The following DENND2B variants were observed in gnomAD, a reference collection of about 807,000 sequenced individuals.
DENND2B encodes DENN domain-containing protein 2B.
DENND2B carries 32 observed loss-of-function variants against 116.0 expected under a neutral mutation model. The ratio of observed to expected loss-of-function variants is 0.28; its 90% confidence interval spans 0.21 to 0.37. The LOEUF (loss-of-function observed/expected upper bound fraction) is 0.37. Ranked by LOEUF, DENND2B falls within the 10% of genes least tolerant of loss-of-function variation. The pLI is 1.00. For synonymous variants in DENND2B, 588 were observed against 583.9 expected, an observed-to-expected ratio of 1.01 and a Z score of -0.10; for missense variants, 1,276 against 1,477.7, an observed-to-expected ratio of 0.86 and a Z score of 2.24.
At position 8,698,199 on chromosome 11, in the gene DENND2B, C is replaced by G. The variant is rs549950772; in HGVS notation, c.2941-563G>C. Among the ~76,000 whole-genome samples the G allele has an allele frequency of 1.8e-4, 26 of 144,980 alleles. 1 individual carries two copies. In the South Asian group the frequency reaches 5.6e-3, roughly 31 times the overall value. On this transcript the variant is annotated intron_variant, in intron 16 of 19. Coordinates refer to ENST00000313726, the MANE Select transcript of DENND2B (RefSeq NM_213618.2). ...GAGCCAGTGTGGCATTCACTGGCCT[C>G]TGTGACCAGGACCAGCCAGGGGTTC...
At chr11:8,885,587 C>T (rs1188567272) in intron 1 of DENND2B, among the ~76,000 whole-genome samples, 1 of 152,140 alleles carries the variant, frequency 6.6e-6, no homozygotes, top group Non-Finnish European at 1.5e-5. Context: ...ATAATACATT[C>T]CTGCATTTCT....
chr11:8,710,757 A>G (rs73410011), intron 11 of DENND2B, 88 bp downstream of exon 11: 44 of 182,190 alleles, frequency 2.4e-4, no homozygotes, highest in African/African-American at 7.3e-4. Flanking sequence ...AGAAGGGCAC[A>G]CACACACACA....
chr11:8,751,205 G>C (rs945966871), intron 1 of DENND2B, among the ~76,000 whole-genome samples: 1 of 152,158 alleles, frequency 6.6e-6, no homozygotes, highest in African/African-American at 2.4e-5. Flanking sequence ...TCCACAGGCT[G>C]TATCTAGCTA....
At chr11:8,696,694 TTC>T in intron 17 of DENND2B, 28 bp from the exon 18 acceptor site, 1 of 1,612,038 alleles carries the variant, frequency 6.2e-7, no homozygotes, top group Non-Finnish European at 8.5e-7. Context: ...ATCTTTGAGG[TTC>T]AGGTCAAGAG....
intron 2 of DENND2B, among the ~76,000 whole-genome samples, chr11:8,736,947 C>T (rs1322868026): frequency 6.6e-6 from 1 of 152,204 alleles, no homozygotes; most frequent in Non-Finnish European, 1.5e-5. Context: ...AAGGTGGCAA[C>T]AAGGAGACTA....
intron 3 of DENND2B, among the ~76,000 whole-genome samples, chr11:8,855,449 C>T (rs1043819078): frequency 1.3e-5 from 2 of 150,840 alleles, no homozygotes; most frequent in African/African-American, 4.9e-5. Context: ...TAAATTTTCC[C>T]ATCATCTAGA....
In DENND2B at chr11:8,730,378, G is replaced by C; in HGVS notation, c.912C>G (p.Pro304=). ...CCCGGTCCACGCTGTAGCAGCTGCT[G>C]GGGAGCTGGGGGAGCCCCCGGCCCG... The part of the protein sequence containing the change: ...EQPGRGLPQL[P]SSCYSVDRGK... The change falls in exon 3 of 20, where the codon CCC becomes CCG. Residue 304 remains proline, a synonymous_variant. Coordinates refer to ENST00000313726, the MANE Select transcript of DENND2B (RefSeq NM_213618.2). The surrounding 1 kb of genome is among the most constrained non-coding windows in gnomAD (Gnocchi z 4.1). The C allele has an allele frequency of 6.2e-7, 1 of 1,604,394 alleles. No homozygotes were observed. The highest frequency in any genetic ancestry group is 1.3e-5 in the African/African-American group (1 of 75,056).
chr11:8,866,173 A>G (rs901172021), intron 2 of DENND2B, among the ~76,000 whole-genome samples: 2 of 151,978 alleles, frequency 1.3e-5, no homozygotes, highest in Non-Finnish European at 2.9e-5. Context: ...GTTAGCCAGG[A>G]TGGTCTCGAC....
intron 4 of DENND2B, chr11:8,718,745 G>T: frequency 9.3e-7 from 1 of 1,076,654 alleles, no homozygotes. Context: ...AGCGGGCATT[G>T]TATTGGCATT....
At chr11:8,699,516 G>T in intron 14 of DENND2B, 126 bp from the exon 15 acceptor site, 1 of 903,098 alleles carries the variant, frequency 1.1e-6, no homozygotes, top group South Asian at 1.8e-5. Flanking sequence ...GGGGTTCAGG[G>T]ACCCTGCAGA....
Position 8,709,074 on chromosome 11 carries a change from G to A in DENND2B, c.2353-1220C>T, listed in dbSNP as rs559852344. 2.6e-5 allele frequency among the ~76,000 whole-genome samples: 4 copies of A among 152,324 alleles called. No individual in the cohort carries two copies. The South Asian group carries it at 8.3e-4, about 32-fold the overall frequency. On this transcript the variant is annotated intron_variant, in intron 11 of 19. Coordinates refer to ENST00000313726, the MANE Select transcript of DENND2B (RefSeq NM_213618.2). ...AGGACTCAGAGGCCTGGAGGGCCTG[G>A]CAAGTCCGAGTGGGGAGGGAGCAGA... is the stretch of plus-strand genomic sequence containing the variant.
chr11:8,715,520 A>G lies in DENND2B; in HGVS notation c.1845+83T>C, dbSNP rs1017965059. On this transcript the variant is annotated intron_variant, in intron 6 of 19. Coordinates refer to ENST00000313726, the MANE Select transcript of DENND2B (RefSeq NM_213618.2). ...GGAAGCAGTCCAGATTAGGGAAGGA[A>G]GGAAGCCAGGAAAGAGAGAGAAAGG... The G allele has an allele frequency of 3.5e-6, 5 of 1,433,642 alleles. No individual in the cohort carries two copies. The East Asian group carries it at 1.1e-4, about 33-fold the overall frequency. 88.8% of individuals were successfully genotyped at this position (1,433,642 alleles called of 1,614,324 possible). A position where few individuals can be genotyped will look rare whatever the true frequency, so the allele number is the denominator to read the frequency against.
chr11:8,805,465 T>C (rs2060756851), intron 1 of DENND2B, among the ~76,000 whole-genome samples: 1 of 152,218 alleles, frequency 6.6e-6, no homozygotes, highest in African/African-American at 2.4e-5. Flanking sequence ...TTTTTCCAAC[T>C]TTCCCATTTC....
At chr11:8,694,741 A>G (rs993017254) in intron 19 of DENND2B, 6 of 404,886 alleles carry the variant, frequency 1.5e-5, no homozygotes, top group Middle Eastern at 3.6e-4. Flanking sequence ...TTTTCTCGTC[A>G]TTATTCCCTA....
chr11:8,701,230 C>G (rs1801466778), intron 14 of DENND2B, among the ~76,000 whole-genome samples: 1 of 152,028 alleles, frequency 6.6e-6, no homozygotes, highest in Non-Finnish European at 1.5e-5. Flanking sequence ...TGTCCTCTTG[C>G]CCTTGCCCCT....
At chr11:8,718,013 C>T (rs2133842024) in intron 4 of DENND2B, 121 bp from the exon 5 acceptor site, 3 of 1,167,150 alleles carry the variant, frequency 2.6e-6, no homozygotes, top group Non-Finnish European at 3.6e-6. Context: ...CTGCCTGGCC[C>T]CTCAGCTCAT....
intron 1 of DENND2B, among the ~76,000 whole-genome samples, chr11:8,793,687 A>G (rs1250928054): frequency 6.6e-6 from 1 of 152,172 alleles, no homozygotes; most frequent in Non-Finnish European, 1.5e-5. Flanking sequence ...GGCATGCAAG[A>G]ATCTGAGTCC....
upstream of DENND2B, among the ~76,000 whole-genome samples, chr11:8,873,039 A>G: frequency 6.6e-6 from 1 of 152,216 alleles, no homozygotes; most frequent in Non-Finnish European, 1.5e-5. Context: ...GTGGAACAAG[A>G]GAACTCATGA....
intron 1 of DENND2B, chr11:8,766,576 GA>G: frequency 7.9e-7 from 1 of 1,271,014 alleles, no homozygotes; most frequent in Non-Finnish European, 1.0e-6. Flanking sequence ...GGCTTCCACT[GA>G]CAGACCATCC....
Sources: allele counts gnomAD v4.1 joint callset (sites outside exome capture counted in the v4.1 genomes callset), GRCh38; gene constraint gnomAD v4.1.1; non-coding constraint Gnocchi (gnomAD v3.1); transcripts MANE v1.5; gene names NCBI Gene and HGNC (gene_info 2026-07-23, HGNC 2026-07-21).